The following DLGAP2 variants were observed in gnomAD, a reference collection of about 807,000 sequenced individuals.
The protein encoded by DLGAP2 is DLG associated protein 2, also known as disks large-associated protein 2.
Under a neutral mutation model 100.3 loss-of-function variants are expected in DLGAP2, and 26 were observed. The observed-to-expected ratio is 0.26, with a 90% CI of 0.19 to 0.36. The LOEUF (loss-of-function observed/expected upper bound fraction) is 0.36, where lower values mean the gene tolerates loss of function less well. Among genes scored for constraint, DLGAP2 ranks in the 10% least tolerant of loss-of-function variants. The pLI is 1.00. For missense variants in DLGAP2, 1,858 were observed against 1,453.2 expected (o/e 1.28, Z -4.53); for synonymous variants, 886 against 630.1 (o/e 1.41, Z -6.08).
Position 983,755 on chromosome 8 carries a change from A to C in DLGAP2, c.73+75789A>C, listed in dbSNP as rs533491634. Among the ~76,000 whole-genome samples the C allele has an allele frequency of 5.3e-4, 81 of 152,216 alleles. 1 individual carries two copies. In the Middle Eastern group the frequency reaches 0.024, roughly 45 times the overall value. ...CCTCCCAGGCTCAAGCAATCCTTTC[A>C]CCGCAGCCTCCCGAGTAGCTGGGAC... On this transcript the variant is annotated intron_variant, in intron 2 of 14. Coordinates refer to ENST00000637795, the MANE Select transcript of DLGAP2 (RefSeq NM_001346810.2).
At chr8:1,259,894 CTT>C (rs1799311839) in intron 3 of DLGAP2, 1 of 152,224 alleles carries the variant, frequency 6.6e-6, no homozygotes, top group African/African-American at 2.4e-5. Context: ...GGTTTTAAAA[CTT>C]TTTCCTGTGT....
chr8:1,561,609 A>C (rs1276922995), intron 5 of DLGAP2, among the ~76,000 whole-genome samples: 1 of 152,092 alleles, frequency 6.6e-6, no homozygotes, highest in Non-Finnish European at 1.5e-5. Flanking sequence ...TGCCTGGGCC[A>C]CCTTGGGGGT....
chr8:1,090,500 G>A (rs543628878), intron 2 of DLGAP2, among the ~76,000 whole-genome samples: 97 of 152,362 alleles, frequency 6.4e-4, no homozygotes, highest in Admixed American at 1.1e-3. Flanking sequence ...GCACAGGCAT[G>A]TGCACAGATG....
rs561793690 is a variant in DLGAP2, at chr8:1,188,266, C to T, written c.74-70585C>T. On this transcript the variant is annotated intron_variant, in intron 2 of 14. Transcript: ENST00000637795. ...TTTCCCTCACGGAATCTCACACGCC[C>T]GGGACCTCTGTGACGTTTGCCTCAC... is the stretch of plus-strand genomic sequence containing the variant. 7.7e-5 allele frequency among the ~76,000 whole-genome samples: 10 copies of T among 130,386 alleles called. No individual in the cohort carries two copies. In the East Asian group the frequency reaches 1.2e-3, roughly 15 times the overall value. 85.5% of individuals were successfully genotyped at this position (130,386 alleles called of 152,430 possible).
intron 1 of DLGAP2, among the ~76,000 whole-genome samples, chr8:827,929 G>C (rs1312379202): frequency 6.6e-6 from 1 of 152,246 alleles, no homozygotes; most frequent in East Asian, 1.9e-4. Context: ...TGGGTGTCCG[G>C]GGGAGACATC....
chr8:878,575 T>A (rs1418436329), intron 1 of DLGAP2, among the ~76,000 whole-genome samples: 1 of 152,110 alleles, frequency 6.6e-6, no homozygotes, highest in African/African-American at 2.4e-5. Context: ...TATGGTTTGG[T>A]ATGGTTGGTC....
chr8:1,298,405 C>T (rs1322502382), intron 3 of DLGAP2, among the ~76,000 whole-genome samples: 3 of 152,198 alleles, frequency 2.0e-5, no homozygotes, highest in Non-Finnish European at 4.4e-5. Flanking sequence ...TCAGTGGAGA[C>T]ACCAGGAAGC....
At chr8:995,314 G>A (rs931049080) in intron 2 of DLGAP2, among the ~76,000 whole-genome samples, 7 of 152,142 alleles carry the variant, frequency 4.6e-5, no homozygotes, top group African/African-American at 1.4e-4. Flanking sequence ...TGATTTTTAA[G>A]AAGTTAAAAT....
intron 2 of DLGAP2, among the ~76,000 whole-genome samples, chr8:1,132,739 T>G (rs2100320): frequency 0.88 from 134,168 of 152,202 alleles, 59,261 homozygotes; most frequent in Middle Eastern, 0.92. Flanking sequence ...AAAGGTAGGG[T>G]TGCAGAAGCT....
intron 3 of DLGAP2, chr8:1,380,967 A>G (rs965054679): frequency 1.8e-4 from 26 of 148,316 alleles, no homozygotes; most frequent in African/African-American, 6.4e-4. Flanking sequence ...AAAACACCCA[A>G]AAGGCCAAAA....
At chr8:1,647,326 C>G (rs573202703) in intron 8 of DLGAP2, among the ~76,000 whole-genome samples, 2 of 151,478 alleles carry the variant, frequency 1.3e-5, no homozygotes, top group Admixed American at 1.3e-4. Flanking sequence ...CTCTACTAAA[C>G]AAAACACAAA....
At chr8:982,758 C>T (rs1454396491) in intron 2 of DLGAP2, among the ~76,000 whole-genome samples, 1 of 152,150 alleles carries the variant, frequency 6.6e-6, no homozygotes, top group Non-Finnish European at 1.5e-5. Flanking sequence ...GGACCTAAAG[C>T]AGCTGGGCTA....
intron 2 of DLGAP2, among the ~76,000 whole-genome samples, chr8:1,055,423 A>G (rs1802850204): frequency 6.6e-6 from 1 of 152,236 alleles, no homozygotes; most frequent in Non-Finnish European, 1.5e-5. Flanking sequence ...GTAATAAGAT[A>G]TCTAGGTTCC....
At chr8:1,195,553 C>G (rs1314738864) in intron 2 of DLGAP2, among the ~76,000 whole-genome samples, 2 of 152,172 alleles carry the variant, frequency 1.3e-5, no homozygotes, top group Non-Finnish European at 2.9e-5. Context: ...TGGTACCTTC[C>G]TAAAAATAGT....
At chr8:762,413 A>G (rs1821110127) in intron 1 of DLGAP2, among the ~76,000 whole-genome samples, 2 of 152,204 alleles carry the variant, frequency 1.3e-5, no homozygotes, top group Non-Finnish European at 2.9e-5. Flanking sequence ...TCAAGCATGT[A>G]ATAGGTTATT....
intron 2 of DLGAP2, among the ~76,000 whole-genome samples, chr8:1,193,821 C>G (rs929369801): frequency 1.3e-5 from 2 of 151,660 alleles, no homozygotes; most frequent in African/African-American, 4.8e-5. Flanking sequence ...CTGAGACCCC[C>G]AGACAGCATC....
chr8:1,203,304 A>C (rs1374062793), intron 2 of DLGAP2, among the ~76,000 whole-genome samples: 1 of 149,188 alleles, frequency 6.7e-6, no homozygotes, highest in East Asian at 2.0e-4. Context: ...GTTAGAATCC[A>C]TGAGACTGGC....
At chr8:1,231,016 ATTAAG>A (rs1364696067) in intron 2 of DLGAP2, among the ~76,000 whole-genome samples, 3 of 152,226 alleles carry the variant, frequency 2.0e-5, no homozygotes, top group Non-Finnish European at 4.4e-5. Context: ...GTGGGACCTA[ATTAAG>A]TTAAAGAGCT....
Position 1,350,546 on chromosome 8 carries a change from T to C in DLGAP2, c.106+91663T>C, listed in dbSNP as rs535189257. Among the ~76,000 whole-genome samples the C allele has an allele frequency of 4.7e-3, 207 of 43,794 alleles. 12 individuals are homozygous for C. The highest frequency in any genetic ancestry group is 0.014 in the African/African-American group (187 of 12,944). 28.7% of individuals were successfully genotyped at this position (43,794 alleles called of 152,430 possible). Reference sequence around the variant, plus strand: ...GTCCTGACAGTGCGTGGAAAGGCCGTGCGGGTCCTGAGTGTGCGTGGAAAG... The same window carrying C: ...GTCCTGACAGTGCGTGGAAAGGCCGCGCGGGTCCTGAGTGTGCGTGGAAAG... On this transcript the variant is annotated intron_variant, in intron 3 of 14. Coordinates refer to ENST00000637795, the MANE Select transcript of DLGAP2 (RefSeq NM_001346810.2).
Sources: gnomAD v4.1 joint callset for allele counts (sites outside exome capture counted in the v4.1 genomes callset) on GRCh38, gnomAD v4.1.1 for gene constraint, MANE v1.5 for transcripts, NCBI Gene and HGNC (gene_info 2026-07-23, HGNC 2026-07-21) for gene names.